The following ZNF695 variants were observed in gnomAD, a reference collection of about 807,000 sequenced individuals.
ZNF695 encodes zinc finger protein SBZF3.
ZNF695 carries 11 observed loss-of-function variants against 11.2 expected under a neutral mutation model. The ratio of observed to expected loss-of-function variants is 0.98; its 90% CI spans 0.62 to 1.62. The LOEUF is 1.62. Ranked by LOEUF, ZNF695 falls within the 40% of genes most tolerant of loss-of-function variation. The probability of loss-of-function intolerance (pLI) is 0.00; values close to 1 mark genes in which losing one functional copy is unlikely to be tolerated. For missense variants in ZNF695, 559 were observed against 590.5 expected (o/e 0.95, Z 0.55); for synonymous variants, 190 against 201.4 (o/e 0.94, Z 0.48).
chr1:246,956,135 C>T (rs1444017264), intron 5 of ZNF695, among the ~76,000 whole-genome samples: 1 of 151,298 alleles, frequency 6.6e-6, no homozygotes, highest in Non-Finnish European at 1.5e-5. Context: ...TTACAGGCTT[C>T]GGCCACCAGT....
At chr1:246,974,792 G>A (rs1435926607) in intron 4 of ZNF695, among the ~76,000 whole-genome samples, 1 of 152,144 alleles carries the variant, frequency 6.6e-6, no homozygotes, top group Non-Finnish European at 1.5e-5. Flanking sequence ...TTCCAGAAAA[G>A]CAGCACATCT....
intron 5 of ZNF695, among the ~76,000 whole-genome samples, chr1:246,965,338 C>T (rs1001197525): frequency 1.5e-5 from 2 of 137,432 alleles, no homozygotes; most frequent in Non-Finnish European, 3.1e-5. Context: ...GCCTGGGTGA[C>T]AGAGAGAGAC....
At chr1:246,976,519 G>A (rs575289655) in intron 4 of ZNF695, among the ~76,000 whole-genome samples, 1 of 152,120 alleles carries the variant, frequency 6.6e-6, no homozygotes, top group Non-Finnish European at 1.5e-5. Flanking sequence ...CACTGGCCGG[G>A]CGCGGTGGCT....
rs749512359 is a variant in ZNF695 at position 246,988,103 on chromosome 1, T to C, written c.412A>G (p.Lys138Glu). 1 of 1,613,868 alleles carries C rather than the reference T, an allele frequency of 6.2e-7. No homozygotes were observed. The highest frequency in any genetic ancestry group is 1.7e-5 in the Admixed American group (1 of 59,984). The change falls in exon 4 of 4, where the codon AAG (lysine) becomes GAG (glutamate). Residue 138 changes from lysine (K) to glutamate (E), a missense_variant. Coordinates refer to ENST00000339986, the MANE Select transcript of ZNF695 (RefSeq NM_020394.5). The stretch of plus-strand genomic sequence containing the variant: ...AGGTCAAGTCCATTATAACTTGCCT[T>C]CTGCCCTTTCCACTCACCCACAATT... ...WEIVGEWKGQKASYNGLDLCS... is the reference protein window; with the variant it reads ...WEIVGEWKGQEASYNGLDLCS...
At chr1:246,951,007 G>C (rs1331191020) in intron 5 of ZNF695, among the ~76,000 whole-genome samples, 3 of 152,030 alleles carry the variant, frequency 2.0e-5, no homozygotes, top group African/African-American at 7.2e-5. Context: ...ATAAAACAAA[G>C]GTATGACTTC....
intron 3 of ZNF695, among the ~76,000 whole-genome samples, chr1:246,998,977 AATATATATATATATATATATATAT>A (rs6143721): frequency 6.9e-6 from 1 of 144,266 alleles, no homozygotes; most frequent in Non-Finnish European, 1.5e-5. Flanking sequence ...CAAGAAAACA[AATATATATATATATATATATATAT>A]ATATATATAT....
chr1:246,974,183 A>C (rs188424378), intron 4 of ZNF695, among the ~76,000 whole-genome samples: 30 of 152,144 alleles, frequency 2.0e-4, no homozygotes, highest in African/African-American at 7.0e-4. Flanking sequence ...AACAAAAAAC[A>C]ACAACAAAAA....
intron 3 of ZNF695, among the ~76,000 whole-genome samples, chr1:246,995,218 G>C (rs1669165413): frequency 6.6e-6 from 1 of 152,104 alleles, no homozygotes; most frequent in African/African-American, 2.4e-5. Flanking sequence ...AAATCTTATA[G>C]ATTATTATTT....
In ZNF695 at chr1:246,996,919, T is replaced by A. The variant is rs1391746515; in HGVS notation, c.259+2429A>T. ...CTGGCATGTCTACTGCAAGTAGATT[T>A]ATCTGTAAGTTTGTTTGCCTGTAAC... On this transcript the variant is annotated intron_variant, in intron 3 of 3. Transcript: ENST00000339986. Among the ~76,000 whole-genome samples, 3 of 152,218 alleles carry A rather than the reference T, an allele frequency of 2.0e-5. No homozygotes were observed. The East Asian group carries it at 5.8e-4, about 29-fold the overall frequency.
intron 5 of ZNF695, among the ~76,000 whole-genome samples, chr1:246,959,667 C>T (rs1464782984): frequency 6.6e-6 from 1 of 152,014 alleles, no homozygotes; most frequent in Non-Finnish European, 1.5e-5. Flanking sequence ...ACCTCGTGAT[C>T]CACCAGCCTC....
At chr1:246,965,323 C>G (rs1668260337) in intron 5 of ZNF695, among the ~76,000 whole-genome samples, 1 of 148,508 alleles carries the variant, frequency 6.7e-6, no homozygotes, top group Admixed American at 6.7e-5. Flanking sequence ...CGCCACTGCA[C>G]TCCAGCCTGG....
intron 5 of ZNF695, among the ~76,000 whole-genome samples, chr1:246,952,967 A>G (rs777202422): frequency 1.3e-5 from 2 of 152,034 alleles, no homozygotes; most frequent in Non-Finnish European, 2.9e-5. Context: ...CTCAGCCACA[A>G]TGAAGGAAAC....
rs1668862503 is a variant in ZNF695 at position 246,986,792 on chromosome 1, A to G, written c.*175T>C. The G allele has an allele frequency of 6.5e-6, 9 of 1,378,084 alleles. No individual in the cohort carries two copies. Among genetic ancestry groups the G allele is most frequent in the African/African-American group, 2.9e-5 (2 of 68,778 alleles). 85.4% of individuals were successfully genotyped at this position (1,378,084 alleles called of 1,614,324 possible). Reference sequence around the variant, plus strand: ...ATAAGTGGAGGTGTTGAACCGGTCTATTTGTATTGTTCGTAGCCTAAACAT... The same window carrying G: ...ATAAGTGGAGGTGTTGAACCGGTCTGTTTGTATTGTTCGTAGCCTAAACAT... On this transcript the variant is annotated 3_prime_UTR_variant, in exon 4 of 4. Coordinates refer to ENST00000339986, the MANE Select transcript of ZNF695 (RefSeq NM_020394.5).
chr1:246,983,344 C>A (rs1304928595), downstream of ZNF695, among the ~76,000 whole-genome samples: 2 of 151,904 alleles, frequency 1.3e-5, no homozygotes, highest in Admixed American at 1.3e-4. Context: ...CACAGTGAGA[C>A]TTCATTTCTA....
At chr1:246,982,699 G>A (rs10802456), downstream of ZNF695, among the ~76,000 whole-genome samples, 81,839 of 151,990 alleles carry the variant, frequency 0.54, 26,298 homozygotes, top group East Asian at 0.97. Context: ...TTGGCCAGGC[G>A]CGGTGGCTCG....
chr1:246,999,517 G>T, intron 2 of ZNF695, 77 bp from the exon 3 acceptor site: 1 of 1,141,810 alleles, frequency 8.8e-7, no homozygotes. Flanking sequence ...GTAGAGAAGA[G>T]AAAACATCAC....
chr1:246,947,753 T>G (rs1446953257), intron 5 of ZNF695, among the ~76,000 whole-genome samples: 1 of 152,164 alleles, frequency 6.6e-6, no homozygotes, highest in African/African-American at 2.4e-5. Flanking sequence ...CAGAGGACAA[T>G]CTTATGTCTT....
At chr1:246,956,141 C>G (rs2103001323) in intron 5 of ZNF695, among the ~76,000 whole-genome samples, 1 of 151,668 alleles carries the variant, frequency 6.6e-6, no homozygotes, top group Non-Finnish European at 1.5e-5. Flanking sequence ...GCTTCGGCCA[C>G]CAGTCCCGGC....
intron 1 of ZNF695, among the ~76,000 whole-genome samples, chr1:247,000,418 T>G (rs997203482): frequency 6.6e-6 from 1 of 151,690 alleles, no homozygotes; most frequent in Non-Finnish European, 1.5e-5. Context: ...GGCAGGAGAG[T>G]TGCTTGAAGC....
Sources: gnomAD v4.1 joint callset for allele counts (sites outside exome capture counted in the v4.1 genomes callset) on GRCh38, gnomAD v4.1.1 for gene constraint, MANE v1.5 for transcripts, NCBI Gene and HGNC (gene_info 2026-07-23, HGNC 2026-07-21) for gene names.